The following GTF2E1 variants were observed in gnomAD, a reference collection of about 807,000 sequenced individuals.
GTF2E1 encodes general transcription factor IIE subunit 1, also known as TFIIE alpha subunit.
In GTF2E1, 14 loss-of-function variants were observed where a neutral mutation model predicts 34.9. The observed-to-expected ratio is 0.40, with a 90% confidence interval of 0.27 to 0.63. The LOEUF is 0.63. Ranked by LOEUF, GTF2E1 falls within the 20% of genes least tolerant of loss-of-function variation. GTF2E1 has a pLI of 0.39. For missense variants in GTF2E1, 469 were observed against 557.7 expected, an observed-to-expected ratio of 0.84 and a Z score of 1.60; for synonymous variants, 188 against 192.9, an observed-to-expected ratio of 0.97 and a Z score of 0.21.
intron 2 of GTF2E1, among the ~76,000 whole-genome samples, chr3:120,758,116 C>T (rs758987812): frequency 1.3e-5 from 2 of 152,070 alleles, no homozygotes; most frequent in Admixed American, 6.6e-5. Context: ...GCCAAGATCA[C>T]GCCACTGCCA....
chr3:120,749,803 G>A (rs879387455), intron 1 of GTF2E1: 2 of 152,130 alleles, frequency 1.3e-5, no homozygotes, highest in Non-Finnish European at 2.9e-5. Flanking sequence ...AGCTTTCTGG[G>A]TCATGGTACG....
At chr3:120,758,402 T>C (rs1709228585) in intron 2 of GTF2E1, among the ~76,000 whole-genome samples, 4 of 152,136 alleles carry the variant, frequency 2.6e-5, no homozygotes. Flanking sequence ...TGTAAAGTGA[T>C]TCTTTTTTTA....
rs943707697 is a variant in GTF2E1 at position 120,750,600 on chromosome 3, G to T, written c.48G>T (p.Arg16=). 5.6e-6 allele frequency: 9 copies of T among 1,613,842 alleles called. No homozygotes were observed. Among genetic ancestry groups the T allele is most frequent in the Non-Finnish European group, 7.6e-6 (9 of 1,179,888 alleles). Residue 16 remains arginine, a synonymous_variant, in exon 2 of 5, where the codon CGG becomes CGT. Coordinates refer to ENST00000283875, the MANE Select transcript of GTF2E1 (RefSeq NM_005513.3). Reference sequence around the variant, plus strand: ...CTGAAGTTCCAGCAGCATTGAAGCGGTTAGCCAAGTATGTGATCCGGGGAT... The same window carrying T: ...CTGAAGTTCCAGCAGCATTGAAGCGTTTAGCCAAGTATGTGATCCGGGGAT... The part of the protein sequence containing the change: ...VLTEVPAALK[R]LAKYVIRGFY...
intron 2 of GTF2E1, among the ~76,000 whole-genome samples, chr3:120,759,981 C>A (rs1292318955): frequency 2.6e-5 from 4 of 152,176 alleles, no homozygotes; most frequent in Non-Finnish European, 2.9e-5. Flanking sequence ...TGAAGAAAGT[C>A]AGTGGTAGCT....
Position 120,750,616 on chromosome 3 carries a change from A to T in GTF2E1, c.64A>T (p.Ile22Phe), listed in dbSNP as rs553760300. 93 of 1,613,856 alleles carry T rather than the reference A, an allele frequency of 5.8e-5. No individual in the cohort carries two copies. Among genetic ancestry groups the T allele is most frequent in the Non-Finnish European group, 7.8e-5 (92 of 1,179,952 alleles). The change falls in exon 2 of 5, where the codon ATC becomes TTC. Residue 22 changes from isoleucine to phenylalanine, a missense_variant. Ile to Phe is a conservative substitution (Grantham distance 21). Transcript: ENST00000283875. ...ATTGAAGCGGTTAGCCAAGTATGTG[A>T]TCCGGGGATTTTATGGCATTGAGCA... ...AALKRLAKYV[I>F]RGFYGIEHAL...
At chr3:120,771,042 A>G in intron 3 of GTF2E1, 113 bp downstream of exon 3, 1 of 829,602 alleles carries the variant, frequency 1.2e-6, no homozygotes. Flanking sequence ...TCAAGACTGT[A>G]ATGTTACGTA....
chr3:120,758,100 CA>C (rs1461169238), intron 2 of GTF2E1, among the ~76,000 whole-genome samples: 1 of 152,120 alleles, frequency 6.6e-6, no homozygotes, highest in Non-Finnish European at 1.5e-5. Flanking sequence ...GCAGAGGTTG[CA>C]GTGAGCCAAG....
intron 1 of GTF2E1, among the ~76,000 whole-genome samples, chr3:120,745,360 A>G (rs1709096187): frequency 6.6e-6 from 1 of 152,148 alleles, no homozygotes; most frequent in Non-Finnish European, 1.5e-5. Flanking sequence ...ACAGCTCCCT[A>G]GGGTGTTTTA....
intron 1 of GTF2E1, chr3:120,749,960 A>G (rs535493189): frequency 6.6e-6 from 1 of 152,192 alleles, no homozygotes; most frequent in East Asian, 1.9e-4. Context: ...AGGTTGGTAA[A>G]ACTGTCTGGA....
chr3:120,781,107 A>G lies in GTF2E1; in HGVS notation c.957A>G (p.Glu319=), dbSNP rs748770257. The change falls in exon 5 of 5, where the codon GAA becomes GAG. Residue 319 remains glutamate, a synonymous_variant. Coordinates refer to ENST00000283875, the MANE Select transcript of GTF2E1 (RefSeq NM_005513.3). ...GCCATGCTGGGCCTGATGACAACGA[A>G]GAGGTCATGCGAGCACTGCTCATTC... ...EEGHAGPDDN[E]EVMRALLIHE... 56 of 1,613,914 alleles carry G rather than the reference A, an allele frequency of 3.5e-5. No homozygotes were observed. In the East Asian group the frequency reaches 7.8e-4, roughly 22 times the overall value.
At chr3:120,763,095 G>C (rs946787285) in intron 2 of GTF2E1, among the ~76,000 whole-genome samples, 18 of 152,092 alleles carry the variant, frequency 1.2e-4, no homozygotes, top group African/African-American at 4.1e-4. Context: ...ATTTTTCCAA[G>C]CTCCCCAATT....
chr3:120,745,666 T>C (rs1709098939), intron 1 of GTF2E1, among the ~76,000 whole-genome samples: 1 of 152,300 alleles, frequency 6.6e-6, no homozygotes, highest in African/African-American at 2.4e-5. Context: ...AATACAATAG[T>C]AGGAAATAAT....
intron 2 of GTF2E1, among the ~76,000 whole-genome samples, chr3:120,756,497 A>G (rs1709210967): frequency 6.6e-6 from 1 of 152,088 alleles, no homozygotes; most frequent in Non-Finnish European, 1.5e-5. Context: ...GAAAAAGTTA[A>G]AATATATATA....
chr3:120,755,522 T>C (rs566252175), intron 2 of GTF2E1, among the ~76,000 whole-genome samples: 46 of 152,280 alleles, frequency 3.0e-4, no homozygotes, highest in Non-Finnish European at 5.3e-4. Flanking sequence ...GGTGTATATG[T>C]TTATGGGGTA....
At chr3:120,769,953 T>C (rs1039796809) in intron 2 of GTF2E1, among the ~76,000 whole-genome samples, 1 of 152,220 alleles carries the variant, frequency 6.6e-6, no homozygotes, top group Non-Finnish European at 1.5e-5. Flanking sequence ...ACTGGTAATG[T>C]ATCAGTAGGA....
intron 3 of GTF2E1, among the ~76,000 whole-genome samples, chr3:120,772,934 C>G (rs1407519109): frequency 1.3e-5 from 2 of 152,064 alleles, no homozygotes; most frequent in Admixed American, 6.6e-5. Flanking sequence ...CAGCAGCTCT[C>G]TGTATCAAGT....
chr3:120,743,264 A>G (rs557809760), intron 1 of GTF2E1, among the ~76,000 whole-genome samples: 1 of 152,286 alleles, frequency 6.6e-6, no homozygotes, highest in Non-Finnish European at 1.5e-5. Flanking sequence ...CTTCGCATCC[A>G]CTTTTCTTGT....
chr3:120,770,556 C>A (rs1432438998), intron 2 of GTF2E1, among the ~76,000 whole-genome samples, 172 bp from the exon 3 acceptor site: 2 of 152,072 alleles, frequency 1.3e-5, no homozygotes, highest in African/African-American at 4.8e-5. Context: ...TGATGAATAG[C>A]AAAATGCTAA....
At chr3:120,761,822 G>T (rs1321044785) in intron 2 of GTF2E1, among the ~76,000 whole-genome samples, 1 of 133,746 alleles carries the variant, frequency 7.5e-6, no homozygotes, top group Non-Finnish European at 1.5e-5. Flanking sequence ...ACGTAGTCTC[G>T]CTCTTCTGCC....
Sources: gnomAD v4.1 joint callset for allele counts (sites outside exome capture counted in the v4.1 genomes callset) on GRCh38, gnomAD v4.1.1 for gene constraint, MANE v1.5 for transcripts, NCBI Gene and HGNC (gene_info 2026-07-23, HGNC 2026-07-21) for gene names.